DLGAP1: variants seen among roughly 807,000 people sequenced by gnomAD.
DLGAP1 encodes the protein disks large-associated protein 1.
DLGAP1 carries 11 observed loss-of-function variants against 90.8 expected under a neutral mutation model. That is an observed-to-expected ratio of 0.12 (90% confidence interval 0.08 to 0.20). The LOEUF is 0.20. DLGAP1 is among the 10% of genes least tolerant of loss of function. The pLI is 1.00. For missense variants in DLGAP1, 1,050 were observed against 1,333.8 expected (o/e 0.79, Z 3.31); for synonymous variants, 558 against 540.7 (o/e 1.03, Z -0.44).
chr18:4,384,878 T>A (rs1384003006), intron 1 of DLGAP1, among the ~76,000 whole-genome samples: 1 of 152,196 alleles, frequency 6.6e-6, no homozygotes, highest in African/African-American at 2.4e-5. Context: ...TTAGAATATC[T>A]TTGATGCTTT....
At chr18:4,232,900 A>T (rs1370811677) in intron 1 of DLGAP1, among the ~76,000 whole-genome samples, 1 of 152,194 alleles carries the variant, frequency 6.6e-6, no homozygotes, top group Non-Finnish European at 1.5e-5. Flanking sequence ...GAAATCTTGT[A>T]CACAGGTCAG....
intron 1 of DLGAP1, among the ~76,000 whole-genome samples, chr18:4,343,489 A>C (rs1410215972): frequency 6.6e-6 from 1 of 152,066 alleles, no homozygotes; most frequent in Non-Finnish European, 1.5e-5. Context: ...CAGCAGTTTA[A>C]AGTTATAAAT....
intron 1 of DLGAP1, among the ~76,000 whole-genome samples, chr18:4,444,087 C>T (rs2083601922): frequency 6.6e-6 from 1 of 152,144 alleles, no homozygotes. Flanking sequence ...CCCCAGATGG[C>T]AGAGAAGGTG....
At chr18:3,958,653 G>T (rs1313210969) in intron 3 of DLGAP1, among the ~76,000 whole-genome samples, 1 of 149,592 alleles carries the variant, frequency 6.7e-6, no homozygotes, top group Non-Finnish European at 1.5e-5. Context: ...TTTGTGGCAG[G>T]TTTTCTGGTA....
intron 7 of DLGAP1, among the ~76,000 whole-genome samples, chr18:3,644,489 C>G (rs1313263523): frequency 6.6e-6 from 1 of 152,028 alleles, no homozygotes; most frequent in African/African-American, 2.4e-5. Context: ...TGGCTCACTG[C>G]AACCTCCGCC....
At chr18:3,935,573 A>T (rs1329533630) in intron 3 of DLGAP1, among the ~76,000 whole-genome samples, 1 of 152,208 alleles carries the variant, frequency 6.6e-6, no homozygotes, top group African/African-American at 2.4e-5. Flanking sequence ...TTTCCTGATC[A>T]CCAAGAAGAC....
At chr18:4,352,943 T>A (rs938237783) in intron 1 of DLGAP1, among the ~76,000 whole-genome samples, 1 of 152,088 alleles carries the variant, frequency 6.6e-6, no homozygotes, top group African/African-American at 2.4e-5. Context: ...ATGACAATCA[T>A]CCACCTGGAT....
chr18:4,409,620 G>T (rs939750202), intron 1 of DLGAP1, among the ~76,000 whole-genome samples: 1 of 152,144 alleles, frequency 6.6e-6, no homozygotes, highest in African/African-American at 2.4e-5. Context: ...TCTTACAGGA[G>T]TAAGATGGTA....
At chr18:3,759,508 C>T (rs2063863199) in intron 5 of DLGAP1, among the ~76,000 whole-genome samples, 2 of 152,286 alleles carry the variant, frequency 1.3e-5, no homozygotes, top group Non-Finnish European at 2.9e-5. Context: ...GTTTATCCAT[C>T]ATATTTAGAC....
At chr18:3,570,943 AGGT>A (rs1599301074) in intron 8 of DLGAP1, among the ~76,000 whole-genome samples, 1 of 150,716 alleles carries the variant, frequency 6.6e-6, no homozygotes, top group East Asian at 2.0e-4. Context: ...AAAAAAAAAA[AGGT>A]AATTTAAAAA....
chr18:4,100,977 T>A (rs2075770367), intron 2 of DLGAP1, among the ~76,000 whole-genome samples: 1 of 152,216 alleles, frequency 6.6e-6, no homozygotes, highest in South Asian at 2.1e-4. Flanking sequence ...CCCAGACCAC[T>A]CGAACTTTTT....
chr18:3,688,905 A>C (rs2060800485), intron 7 of DLGAP1, among the ~76,000 whole-genome samples: 1 of 152,174 alleles, frequency 6.6e-6, no homozygotes, highest in Non-Finnish European at 1.5e-5. Context: ...GGGACATGTT[A>C]ATAAGAAACA....
chr18:3,755,788 G>A (rs1488183749), intron 5 of DLGAP1, among the ~76,000 whole-genome samples: 1 of 152,110 alleles, frequency 6.6e-6, no homozygotes, highest in African/African-American at 2.4e-5. Context: ...GGAAACCGAA[G>A]ACCTCGAAGA....
chr18:3,646,887 T>G (rs1362859567), intron 7 of DLGAP1, among the ~76,000 whole-genome samples: 2 of 152,102 alleles, frequency 1.3e-5, no homozygotes, highest in Non-Finnish European at 2.9e-5. Context: ...ATCGAACTAC[T>G]GCACTTCAGC....
chr18:4,191,492 T>C (rs1034544574), intron 1 of DLGAP1, among the ~76,000 whole-genome samples: 1 of 152,200 alleles, frequency 6.6e-6, no homozygotes, highest in Non-Finnish European at 1.5e-5. Flanking sequence ...AAGCTGTGAC[T>C]ATCTCTTTCA....
chr18:4,259,219 T>C (rs2078956653), intron 1 of DLGAP1, among the ~76,000 whole-genome samples: 1 of 151,172 alleles, frequency 6.6e-6, no homozygotes. Flanking sequence ...ACAGCGGAGG[T>C]GAAAATGGAG....
chr18:3,794,828 C>G (rs2065906125), intron 5 of DLGAP1, among the ~76,000 whole-genome samples: 2 of 152,198 alleles, frequency 1.3e-5, no homozygotes, highest in South Asian at 2.1e-4. Context: ...TAGGATCTGG[C>G]TAATCTGATA....
chr18:4,299,713 C>A (rs71360808), intron 1 of DLGAP1, among the ~76,000 whole-genome samples: 32,619 of 151,794 alleles, frequency 0.21, 3,555 homozygotes, highest in African/African-American at 0.25. Flanking sequence ...AAAAAACAAA[C>A]AAAATACCAG....
At chr18:3,856,403 T>A (rs2069645797) in intron 4 of DLGAP1, among the ~76,000 whole-genome samples, 1 of 152,128 alleles carries the variant, frequency 6.6e-6, no homozygotes, top group East Asian at 1.9e-4. Context: ...AATGGCCCAA[T>A]TTTTTTGTTA....
Sources: gnomAD v4.1 joint callset for allele counts (sites outside exome capture counted in the v4.1 genomes callset) on GRCh38, gnomAD v4.1.1 for gene constraint, MANE v1.5 for transcripts, NCBI Gene and HGNC (gene_info 2026-07-23, HGNC 2026-07-21) for gene names.